Variants in NTRK3 observed in about 807,000 individuals in gnomAD.
NTRK3 encodes the protein NT-3 growth factor receptor.
NTRK3 carries 24 observed loss-of-function variants against 91.7 expected under a neutral mutation model. The observed-to-expected ratio is 0.26, with a 90% CI of 0.19 to 0.37. NTRK3 has a LOEUF of 0.37. NTRK3 is among the 10% of genes least tolerant of loss of function. The pLI is 1.00. For synonymous variants in NTRK3, 483 were observed against 404.0 expected (o/e 1.20, Z -2.34); for missense variants, 880 against 1,068.9 (o/e 0.82, Z 2.46).
chr15:87,976,547 G>T (rs114025491), intron 14 of NTRK3, among the ~76,000 whole-genome samples: 292 of 152,258 alleles, frequency 1.9e-3, no homozygotes, highest in Admixed American at 2.7e-3. Flanking sequence ...CATCTCTCCT[G>T]CATACAGGGC....
In NTRK3 at chr15:88,065,921, C is replaced by T. The variant is rs117939513; in HGVS notation, c.1397-32876G>A. ...GCCTTGTCAAACAAAGAAAGAGAGA[C>T]CTTGATTTACAGAGGAAGTTGACTT... On this transcript the variant is annotated intron_variant, in intron 13 of 18. Transcript: ENST00000394480. 1.2e-3 allele frequency among the ~76,000 whole-genome samples: 182 copies of T among 152,144 alleles called. 2 individuals are homozygous for T. In the East Asian group the frequency reaches 0.03, roughly 25 times the overall value.
chr15:88,032,163 A>T lies in NTRK3; in HGVS notation c.1585+694T>A, dbSNP rs1202635576. Among the ~76,000 whole-genome samples, 3 of 151,900 alleles carry T rather than the reference A, an allele frequency of 2.0e-5. No homozygotes were observed. In the East Asian group the frequency reaches 5.8e-4, roughly 29 times the overall value. On this transcript the variant is annotated intron_variant, in intron 14 of 18. Transcript: ENST00000394480. ...TGAACCTGGGCACACAGCAGGAGGAACCCTGCTGGATGGACAGACAAGTCA... is the reference window on the plus strand; with the variant it reads ...TGAACCTGGGCACACAGCAGGAGGATCCCTGCTGGATGGACAGACAAGTCA...
intron 13 of NTRK3, among the ~76,000 whole-genome samples, chr15:88,084,730 T>C (rs564212831): frequency 2.0e-5 from 3 of 152,144 alleles, no homozygotes; most frequent in Middle Eastern, 3.2e-3. Context: ...GAGCTGAAGG[T>C]TACCAAGGGG....
chr15:88,033,743 A>G (rs148424852), intron 13 of NTRK3, among the ~76,000 whole-genome samples: 1 of 152,334 alleles, frequency 6.6e-6, no homozygotes, highest in East Asian at 1.9e-4. Context: ...CAGCTGGAAA[A>G]TCAAGGTAAA....
At chr15:87,864,395 G>A (rs181661396) in exon 19 of NTRK3, 50 of 231,262 alleles carry the variant, frequency 2.2e-4, no homozygotes, top group African/African-American at 1.0e-3. Context: ...GGCAGATGGT[G>A]AGAAAGCATT....
chr15:88,069,283 T>C (rs2046912755), intron 13 of NTRK3, among the ~76,000 whole-genome samples: 2 of 152,242 alleles, frequency 1.3e-5, no homozygotes, highest in African/African-American at 4.8e-5. Context: ...GGAGGCTGTA[T>C]GAGCTCATGG....
At chr15:88,017,774 T>C (rs1267505262) in intron 14 of NTRK3, among the ~76,000 whole-genome samples, 1 of 152,174 alleles carries the variant, frequency 6.6e-6, no homozygotes, top group East Asian at 1.9e-4. Flanking sequence ...ATGATTTAGT[T>C]AAAGCTCCTA....
chr15:87,872,262 A>G (rs1012397937), exon 19 of NTRK3: 1 of 217,702 alleles, frequency 4.6e-6, no homozygotes. Flanking sequence ...CCTTAATCTC[A>G]AGACTGTCCA....
intron 13 of NTRK3, among the ~76,000 whole-genome samples, chr15:88,090,074 T>C (rs930053202): frequency 6.6e-6 from 1 of 152,086 alleles, no homozygotes; most frequent in Admixed American, 6.5e-5. Flanking sequence ...TTCCCCGAGA[T>C]GTCTGTGAAG....
intron 13 of NTRK3, among the ~76,000 whole-genome samples, chr15:88,040,315 T>A (rs1449440980): frequency 6.6e-6 from 1 of 152,196 alleles, no homozygotes; most frequent in Admixed American, 6.5e-5. Context: ...TGAGCCCCAG[T>A]CCCAAGAGAG....
intron 14 of NTRK3, among the ~76,000 whole-genome samples, chr15:87,948,242 T>G (rs1283542073): frequency 6.6e-6 from 1 of 152,190 alleles, no homozygotes; most frequent in Non-Finnish European, 1.5e-5. Flanking sequence ...CCACCACTCC[T>G]GCAGAGCCAT....
At chr15:88,034,988 C>G (rs1315156213) in intron 13 of NTRK3, among the ~76,000 whole-genome samples, 1 of 152,166 alleles carries the variant, frequency 6.6e-6, no homozygotes, top group Non-Finnish European at 1.5e-5. Context: ...ATACACTAAC[C>G]ATTCCCTCTA....
intron 14 of NTRK3, 131 bp from the exon 15 acceptor site, chr15:87,940,884 C>T: frequency 8.3e-7 from 1 of 1,197,896 alleles, no homozygotes; most frequent in Non-Finnish European, 1.2e-6. Flanking sequence ...CAAACTCTAG[C>T]ACACCAGCTT....
At chr15:87,925,724 G>A (rs1181677599) in intron 17 of NTRK3, 5 of 182,578 alleles carry the variant, frequency 2.7e-5, no homozygotes, top group Non-Finnish European at 5.8e-5. Context: ...GGATTCATGA[G>A]CAGTATTTCC....
chr15:87,903,920 A>G (rs2066599145), intron 17 of NTRK3, among the ~76,000 whole-genome samples: 1 of 152,200 alleles, frequency 6.6e-6, no homozygotes, highest in Non-Finnish European at 1.5e-5. Context: ...CACTGCAACC[A>G]GACCCTCTCC....
chr15:87,978,858 T>G (rs2141340539), intron 14 of NTRK3: 1 of 256,972 alleles, frequency 3.9e-6, no homozygotes, highest in East Asian at 5.6e-5. Context: ...CTGTGACTCT[T>G]CCCCACTGGA....
chr15:88,054,344 G>A (rs1270841635), intron 13 of NTRK3, among the ~76,000 whole-genome samples: 1 of 152,104 alleles, frequency 6.6e-6, no homozygotes, highest in Non-Finnish European at 1.5e-5. Flanking sequence ...TGATCTAAGT[G>A]TCCTCTGCTT....
rs1301860999 is a variant in NTRK3, at chr15:88,033,210, A to ATATATATATATATATG, written c.1397-166_1397-165insCATATATATATATATA. On this transcript the variant is annotated intron_variant, in intron 13 of 18. Coordinates refer to ENST00000394480, the Ensembl canonical transcript of NTRK3. ...TATATATATATATATATATATATAT[A>ATATATATATATATATG]TATATAAATTCAGTTGTTTGGGTTT... is the stretch of plus-strand genomic sequence containing the variant. Among the ~76,000 whole-genome samples, 343 of 121,246 alleles carry ATATATATATATATATG rather than the reference A, an allele frequency of 2.8e-3. 10 individuals are homozygous for ATATATATATATATATG. Among genetic ancestry groups the ATATATATATATATATG allele is most frequent in the African/African-American group, 0.011 (328 of 28,548 alleles). The allele number at this position is 121,246 out of a possible 152,430, so 79.5% of individuals were successfully genotyped here.
intron 15 of NTRK3, among the ~76,000 whole-genome samples, chr15:87,939,056 C>G (rs1271073449): frequency 2.6e-5 from 4 of 152,148 alleles, no homozygotes; most frequent in African/African-American, 9.7e-5. Flanking sequence ...ATGCTGCTTT[C>G]CAACAACACA....
Sources: gnomAD v4.1 joint callset for allele counts (sites outside exome capture counted in the v4.1 genomes callset) on GRCh38, gnomAD v4.1.1 for gene constraint, MANE v1.5 for transcripts, NCBI Gene and HGNC (gene_info 2026-07-23, HGNC 2026-07-21) for gene names.